Variants in GTF3A observed in about 807,000 individuals in gnomAD.
The protein encoded by GTF3A is general transcription factor IIIA, also known as transcription factor IIIA.
A neutral mutation model predicts 37.6 loss-of-function variants in GTF3A; 40 were observed. That is an observed-to-expected ratio of 1.06 (90% CI 0.83 to 1.38). GTF3A has a LOEUF of 1.38. Ranked by LOEUF, GTF3A falls within the 40% of genes most tolerant of loss-of-function variation. The pLI is 0.00. For missense variants in GTF3A, 500 were observed against 462.6 expected (o/e 1.08, Z -0.74); for synonymous variants, 191 against 166.7 (o/e 1.15, Z -1.12).
intron 8 of GTF3A, 53 bp from the exon 9 acceptor site, chr13:27,435,379 AC>A (rs1655525926): frequency 1.3e-6 from 2 of 1,546,110 alleles, no homozygotes; most frequent in African/African-American, 2.7e-5. Flanking sequence ...CGTAAAATTA[AC>A]TCAGACAGTT....
chr13:27,429,415 G>T (rs1308083531), intron 2 of GTF3A: 1 of 152,204 alleles, frequency 6.6e-6, no homozygotes, highest in Non-Finnish European at 1.5e-5. Context: ...TAATGGTTAT[G>T]GTTCTGCTCT....
At position 27,435,729 on chromosome 13, in the gene GTF3A, GTC is replaced by G. The variant is rs1374223165; in HGVS notation, c.*136_*137del. On this transcript the variant is annotated 3_prime_UTR_variant, in exon 9 of 9. Transcript: ENST00000381140. ...CATTTCCATGGTCTTTGTTCAAAGT[GTC>G]TCTTTCCTGGGTCTCTTGAGTTTCT... 1 of 1,613,900 alleles carries G rather than the reference GTC, an allele frequency of 6.2e-7. No homozygotes were observed. The highest frequency in any genetic ancestry group is 1.1e-5 in the South Asian group (1 of 91,080).
chr13:27,426,431 TATGCTTTTCATAGTTTGATGCACC>T (rs1478605434), intron 1 of GTF3A: 1 of 143,024 alleles, frequency 7.0e-6, no homozygotes, highest in African/African-American at 3.1e-5. Flanking sequence ...GCCTTGGTAG[TATGCTTTTCATAGTTTGATGCACC>T]AAACTGGTTA....
chr13:27,434,994 T>G lies in GTF3A; in HGVS notation c.833T>G (p.Val278Gly), dbSNP rs764567980. Reference sequence around the variant, plus strand: ...TTCCATGAGGAAAGCCGCCCTTTTGTGTGTGAACATGCTGGCTGTGGCAAA... The same window carrying G: ...TTCCATGAGGAAAGCCGCCCTTTTGGGTGTGAACATGCTGGCTGTGGCAAA... The change falls in exon 7 of 9, where the codon GTG (valine) becomes GGG (glycine). Residue 278 changes from valine to glycine, a missense_variant. Coordinates refer to ENST00000381140, the MANE Select transcript of GTF3A (RefSeq NM_002097.3). 3 of 1,610,918 alleles carry G rather than the reference T, an allele frequency of 1.9e-6. No homozygotes were observed. In the East Asian group the frequency reaches 6.7e-5, roughly 36 times the overall value.
rs769240033 is a variant in GTF3A at position 27,429,915 on chromosome 13, C to T, written c.348C>T (p.Asn116=). 7.0e-5 allele frequency: 107 copies of T among 1,538,064 alleles called. No individual in the cohort carries two copies. The highest frequency in any genetic ancestry group is 9.2e-5 in the Non-Finnish European group (105 of 1,142,414). Residue 116 remains asparagine, a synonymous_variant, in exon 3 of 9, where the codon AAC becomes AAT. Transcript: ENST00000381140. ...ATCAAAAATTCAACACAAAATCAAA[C>T]TTGAAGAAACATTTTGAACGCAAAC...
intron 2 of GTF3A, 105 bp from the exon 3 acceptor site, chr13:27,429,765 C>G (rs1425416149): frequency 1.0e-5 from 6 of 591,232 alleles, no homozygotes; most frequent in Middle Eastern, 3.6e-4. Flanking sequence ...TATAGTATTA[C>G]TATTCTTTGG....
At position 27,427,169 on chromosome 13, in the gene GTF3A, T is replaced by A; in HGVS notation, c.279T>A (p.Thr93=). Residue 93 remains threonine, a synonymous_variant, in exon 2 of 9, where the codon ACT becomes ACA. Transcript: ENST00000381140. ...ACCATCTGAGCCGCCACATTCTGAC[T>A]CACACAGGAGAAAAGCCGTTTGTGT... is the stretch of plus-strand genomic sequence containing the variant. 1 of 1,599,168 alleles carries A rather than the reference T, an allele frequency of 6.3e-7. No homozygotes were observed. Among genetic ancestry groups the A allele is most frequent in the Middle Eastern group, 1.7e-4 (1 of 6,030 alleles).
Position 27,430,616 on chromosome 13 carries a change from A to T in GTF3A, c.483A>T (p.Leu161=). 1 of 1,594,314 alleles carries T rather than the reference A, an allele frequency of 6.3e-7. No homozygotes were observed. The highest frequency in any genetic ancestry group is 8.6e-7 in the Non-Finnish European group (1 of 1,162,394). ...AGTGCCAGCATACCAATGAACCTCT[A>T]TTCAAGTAGGTACTTCATGTGGCTG... The change falls in exon 4 of 9, where the codon CTA becomes CTT. Residue 161 remains leucine, a synonymous_variant. Coordinates refer to ENST00000381140, the MANE Select transcript of GTF3A (RefSeq NM_002097.3).
intron 6 of GTF3A, 35 bp from the exon 7 acceptor site, chr13:27,434,770 G>T (rs778021443): frequency 7.7e-7 from 1 of 1,294,002 alleles, no homozygotes; most frequent in African/African-American, 1.5e-5. Context: ...TAATATCTGG[G>T]GAAATTTGTG....
Position 27,434,993 on chromosome 13 carries a change from G to T in GTF3A, c.832G>T (p.Val278Leu). ...CTTCCATGAGGAAAGCCGCCCTTTT[G>T]TGTGTGAACATGCTGGCTGTGGCAA... The change falls in exon 7 of 9, where the codon GTG becomes TTG. Residue 278 changes from valine to leucine, a missense_variant. Transcript: ENST00000381140. The T allele has an allele frequency of 6.2e-7, 1 of 1,611,396 alleles. No homozygotes were observed. Among genetic ancestry groups the T allele is most frequent in the Middle Eastern group, 1.7e-4 (1 of 6,060 alleles).
chr13:27,434,884 A>G lies in GTF3A; in HGVS notation c.723A>G (p.Pro241=). The G allele has an allele frequency of 6.2e-7, 1 of 1,613,292 alleles. No homozygotes were observed. Among genetic ancestry groups the G allele is most frequent in the Non-Finnish European group, 8.5e-7 (1 of 1,179,206 alleles). ...AGCAACACATGAAAACTCATGCCCC[A>G]GAAAGGGATGTATGTCGCTGTCCAA... Residue 241 remains proline (P), a synonymous_variant, in exon 7 of 9, where the codon CCA becomes CCG. Transcript: ENST00000381140.
At position 27,429,835 on chromosome 13, in the gene GTF3A, T is replaced by C. The variant is rs756094331; in HGVS notation, c.303-35T>C. Reference sequence around the variant, plus strand: ...TGTCTTAAAACTTCTTCTCCCTTGGTTTATTAATATTTTGGTTTATATAAC... The same window carrying C: ...TGTCTTAAAACTTCTTCTCCCTTGGCTTATTAATATTTTGGTTTATATAAC... On this transcript the variant is annotated intron_variant, in intron 2 of 8. Transcript: ENST00000381140. 2.2e-5 allele frequency: 25 copies of C among 1,160,860 alleles called. No individual in the cohort carries two copies. The Middle Eastern group carries it at 6.2e-4, about 29-fold the overall frequency. 71.9% of individuals were successfully genotyped at this position (1,160,860 alleles called of 1,614,324 possible). A position where few individuals can be genotyped will look rare whatever the true frequency, so the allele number is the denominator to read the frequency against.
In GTF3A at chr13:27,426,827, G is replaced by A. The variant is rs533598197; in HGVS notation, c.202-265G>A. On this transcript the variant is annotated intron_variant, in intron 1 of 8. Transcript: ENST00000381140. ...GTGAAAGCCTGCTGCCGGGTTGGGA[G>A]CAGGTTAAAAATGCTATGCCTGCTT... 6.6e-5 allele frequency among the ~76,000 whole-genome samples: 10 copies of A among 152,318 alleles called. No homozygotes were observed. In the East Asian group the frequency reaches 1.9e-3, roughly 29 times the overall value.
chr13:27,429,649 A>G (rs1953640250), intron 2 of GTF3A, among the ~76,000 whole-genome samples: 2 of 152,232 alleles, frequency 1.3e-5, no homozygotes, highest in Non-Finnish European at 2.9e-5. Flanking sequence ...TGTAGTGTGT[A>G]TAATTTCAGA....
intron 5 of GTF3A, 69 bp from the exon 6 acceptor site, chr13:27,434,070 T>G: frequency 1.3e-6 from 1 of 743,668 alleles, no homozygotes; most frequent in Non-Finnish European, 2.5e-6. Flanking sequence ...CACCTAAGTT[T>G]CCTTTCTAGT....
chr13:27,430,432 T>C, intron 3 of GTF3A, 101 bp from the exon 4 acceptor site: 1 of 690,606 alleles, frequency 1.4e-6, no homozygotes, highest in Non-Finnish European at 2.4e-6. Context: ...AGCAGAAATT[T>C]TATACAGTCT....
chr13:27,427,519 A>G (rs1290887857), intron 2 of GTF3A, among the ~76,000 whole-genome samples: 3 of 152,148 alleles, frequency 2.0e-5, no homozygotes, highest in East Asian at 3.9e-4. Context: ...AAGCTAAAGT[A>G]TATCAACACA....
chr13:27,432,835 G>C lies in GTF3A; in HGVS notation c.562+31G>C, dbSNP rs1030533467. On this transcript the variant is annotated intron_variant, in intron 5 of 8. Transcript: ENST00000381140. ...TACGGATAGCCTGGGTGTGCTCCGA[G>C]GGGGATGCCAAATCCTGGGCGCCTT... 5 of 1,555,932 alleles carry C rather than the reference G, an allele frequency of 3.2e-6. No homozygotes were observed. The South Asian group carries it at 5.8e-5, about 18-fold the overall frequency.
chr13:27,432,924 TTA>T lies in GTF3A; in HGVS notation c.562+122_562+123del. The T allele has an allele frequency of 5.1e-6, 4 of 778,118 alleles. No homozygotes were observed. The East Asian group carries it at 8.1e-5, about 16-fold the overall frequency. 48.2% of individuals were successfully genotyped at this position (778,118 alleles called of 1,614,324 possible). A position where few individuals can be genotyped will look rare whatever the true frequency, so the allele number is the denominator to read the frequency against. ...CTGTGAACAGGGGACACCATCCTGC[TTA>T]TTTGGGTCTTACACTCTTGTCCAAA... On this transcript the variant is annotated intron_variant, in intron 5 of 8. Transcript: ENST00000381140.
Sources: gnomAD v4.1 joint callset for allele counts (sites outside exome capture counted in the v4.1 genomes callset) on GRCh38, gnomAD v4.1.1 for gene constraint, MANE v1.5 for transcripts, NCBI Gene and HGNC (gene_info 2026-07-23, HGNC 2026-07-21) for gene names.